The following EARS2 variants were observed in gnomAD, a reference collection of about 807,000 sequenced individuals.
EARS2 encodes the protein glutamyl-tRNA synthetase 2, mitochondrial.
A neutral mutation model predicts 54.1 loss-of-function variants in EARS2; 50 were observed. The observed-to-expected ratio is 0.92, with a 90% CI of 0.74 to 1.17. The LOEUF (loss-of-function observed/expected upper bound fraction) is 1.17, where lower values mean the gene tolerates loss of function less well. Ranked by LOEUF, EARS2 falls within the 50% of genes most tolerant of loss-of-function variation. EARS2 has a pLI of 0.00. For missense variants in EARS2, 673 were observed against 675.0 expected (o/e 1.00, Z 0.03); for synonymous variants, 298 against 281.0 (o/e 1.06, Z -0.61).
intron 1 of EARS2, among the ~76,000 whole-genome samples, chr16:23,556,365 T>G (rs1965784755): frequency 6.6e-6 from 1 of 152,168 alleles, no homozygotes; most frequent in Non-Finnish European, 1.5e-5. Context: ...CCTTCTTTTT[T>G]GTTTTTGAGA....
chr16:23,556,823 C>A (rs1965796747), intron 1 of EARS2: 1 of 474,800 alleles, frequency 2.1e-6, no homozygotes, highest in Admixed American at 2.5e-5. Context: ...TCTAAAATTA[C>A]ACTTATTTTT....
intron 1 of EARS2, among the ~76,000 whole-genome samples, chr16:23,554,869 C>A (rs1262263092): frequency 6.6e-6 from 1 of 152,166 alleles, no homozygotes; most frequent in Non-Finnish European, 1.5e-5. Flanking sequence ...AAAATAAGAA[C>A]CTTCTTTATT....
At position 23,546,220 on chromosome 16, in the gene EARS2, T is replaced by C. The variant is rs534670780; in HGVS notation, c.296-1517A>G. The stretch of plus-strand genomic sequence containing the variant: ...TCCGATTACATAGGATAAATTTCAT[T>C]ATGAATGCTTTCAGGAGAGGGCACA... On this transcript the variant is annotated intron_variant, in intron 2 of 8. Transcript: ENST00000449606. Among the ~76,000 whole-genome samples, 11 of 152,312 alleles carry C rather than the reference T, an allele frequency of 7.2e-5. No individual in the cohort carries two copies. The East Asian group carries it at 2.1e-3, about 29-fold the overall frequency.
At chr16:23,553,691 G>T (rs773193278) in intron 1 of EARS2, among the ~76,000 whole-genome samples, 1 of 151,800 alleles carries the variant, frequency 6.6e-6, no homozygotes, top group African/African-American at 2.4e-5. Flanking sequence ...GGAGTTTGAG[G>T]CCAGCCTGGC....
rs1965643405 is a variant in EARS2 at position 23,548,542 on chromosome 16, C to G, written c.295+3607G>C. 2.0e-5 allele frequency among the ~76,000 whole-genome samples: 3 copies of G among 152,128 alleles called. No homozygotes were observed. The South Asian group carries it at 6.2e-4, about 31-fold the overall frequency. On this transcript the variant is annotated intron_variant, in intron 2 of 8. Transcript: ENST00000449606. ...TAGCAGATCCTCTGTGAAACTGAAG[C>G]CTTCATCTTGGTCTGTGAGGCACCA...
intron 2 of EARS2, chr16:23,546,233 A>G: frequency 2.7e-6 from 1 of 363,722 alleles, no homozygotes; most frequent in Non-Finnish European, 5.5e-6. Flanking sequence ...GAATGCTTTC[A>G]GGAGAGGGCA....
chr16:23,547,330 G>A (rs1278729553), intron 2 of EARS2, among the ~76,000 whole-genome samples: 1 of 152,176 alleles, frequency 6.6e-6, no homozygotes, highest in Admixed American at 6.5e-5. Context: ...ATCAGTAGTT[G>A]CCAGGTGGTA....
intron 8 of EARS2, 135 bp from the exon 9 acceptor site, chr16:23,524,589 G>A (rs890213879): frequency 2.2e-5 from 15 of 689,834 alleles, no homozygotes; most frequent in Non-Finnish European, 3.5e-5. Flanking sequence ...CAGTGCTTGT[G>A]TTATTTCCCT....
chr16:23,548,432 C>G (rs1965641590), intron 2 of EARS2, among the ~76,000 whole-genome samples: 1 of 151,980 alleles, frequency 6.6e-6, no homozygotes, highest in African/African-American at 2.4e-5. Flanking sequence ...ATGATGCTGC[C>G]CCAGGAATTC....
intron 4 of EARS2, among the ~76,000 whole-genome samples, chr16:23,533,724 T>C (rs1303576119): frequency 6.6e-6 from 1 of 152,092 alleles, no homozygotes; most frequent in Non-Finnish European, 1.5e-5. Flanking sequence ...CTGAGCATAT[T>C]TTAGAAGCTT....
intron 2 of EARS2, among the ~76,000 whole-genome samples, chr16:23,548,944 G>C (rs913576856): frequency 2.6e-5 from 4 of 152,140 alleles, no homozygotes; most frequent in African/African-American, 9.7e-5. Flanking sequence ...ACCACTTTCA[G>C]GGTCCCCTCT....
rs541009530 is a variant in EARS2 at position 23,544,682 on chromosome 16, G to A, written c.317C>T (p.Pro106Leu). The A allele has an allele frequency of 2.5e-6, 4 of 1,605,688 alleles. No homozygotes were observed. The highest frequency in any genetic ancestry group is 1.3e-5 in the African/African-American group (1 of 74,940). ...GGGCCCAGCAGGACCGCCCCGGCGG[G>A]GGCTCTCATCAGGCGGGATGCCTGG... The part of the protein sequence containing the change: ...EWAGIPPDES[P>L]RRGGPAGPYQ... Residue 106 changes from proline (P) to leucine (L), a missense_variant, in exon 3 of 9, where the codon CCC becomes CTC. Pro to Leu is a moderately conservative substitution (Grantham distance 98). Transcript: ENST00000449606.
In EARS2 at chr16:23,532,232, A is replaced by G. The variant is rs376646635; in HGVS notation, c.1067+425T>C. On this transcript the variant is annotated intron_variant, in intron 5 of 8. Coordinates refer to ENST00000449606, the MANE Select transcript of EARS2 (RefSeq NM_001083614.2). ...ATACATGAAATATAAAGTAGATGCC[A>G]TGAGACAGTGCTCACTCACTGTGTT... 3.3e-5 allele frequency among the ~76,000 whole-genome samples: 5 copies of G among 152,332 alleles called. No homozygotes were observed. In the East Asian group the frequency reaches 9.6e-4, roughly 29 times the overall value.
At position 23,525,378 on chromosome 16, in the gene EARS2, G is replaced by A. The variant is rs751170357; in HGVS notation, c.1354C>T (p.Leu452Phe). The change falls in exon 8 of 9, where the codon CTT (leucine) becomes TTT (phenylalanine). Residue 452 changes from leucine to phenylalanine, a missense_variant and splice_region_variant. Leu to Phe is a conservative substitution (Grantham distance 22, BLOSUM62 0). Around this residue, in one of 3 missense-constraint regions of EARS2, gnomAD observed 338 missense variants for 361.2 expected, o/e 0.94. Transcript: ENST00000449606. ...AAGCTCATACTAGATCTTTCTAGAA[G>A]CCTAGAAGAAGAGGGCCAGTTTACA... The part of the protein sequence containing the change: ...VDVIAKRVLG[L>F]LERSSMSLTQ... 1.9e-6 allele frequency: 3 copies of A among 1,611,806 alleles called. No individual in the cohort carries two copies. The highest frequency in any genetic ancestry group is 2.5e-6 in the Non-Finnish European group (3 of 1,179,034).
At chr16:23,553,514 T>C (rs1378988509) in intron 1 of EARS2, among the ~76,000 whole-genome samples, 4 of 152,042 alleles carry the variant, frequency 2.6e-5, no homozygotes, top group Non-Finnish European at 5.9e-5. Context: ...CCCAGCACTT[T>C]TGGAGGCAGA....
chr16:23,535,401 G>C (rs753846213), intron 3 of EARS2, 41 bp from the exon 4 acceptor site: 35 of 1,562,752 alleles, frequency 2.2e-5, no homozygotes, highest in Non-Finnish European at 2.6e-5. Context: ...TTGATGGAAA[G>C]GTTGATGGAC....
In EARS2 at chr16:23,535,176, C is replaced by G. The variant is rs141129877; in HGVS notation, c.670G>C (p.Gly224Arg). The G allele has an allele frequency of 1.9e-6, 3 of 1,613,558 alleles. No individual in the cohort carries two copies. The change falls in exon 4 of 9, where the codon GGC (glycine) becomes CGC (arginine). Residue 224 changes from glycine (G) to arginine (R), a missense_variant. Around this residue, in one of 3 missense-constraint regions of EARS2, gnomAD observed 19 missense variants for 38.7 expected, o/e 0.49. Transcript: ENST00000449606. ...CAGGCCAGGTGGTATGTGGGGAAGC[C>G]GTCGCTCTTCATGATGACTGGGTCT... ...EGDPVIMKSD[G>R]FPTYHLACVV...
chr16:23,546,145 T>G (rs1205388151), intron 2 of EARS2, among the ~76,000 whole-genome samples: 1 of 152,162 alleles, frequency 6.6e-6, no homozygotes, highest in Non-Finnish European at 1.5e-5. Flanking sequence ...ATAGAATAGA[T>G]TAAATATGAT....
chr16:23,525,360 T>C lies in EARS2; in HGVS notation c.1372A>G (p.Met458Val). 1 of 1,613,642 alleles carries C rather than the reference T, an allele frequency of 6.2e-7. No individual in the cohort carries two copies. Residue 458 changes from methionine (M) to valine (V), a missense_variant, in exon 8 of 9, where the codon ATG becomes GTG. By Grantham distance (21) the Met-to-Val change is conservative. Coordinates refer to ENST00000449606, the MANE Select transcript of EARS2 (RefSeq NM_001083614.2). Reference sequence around the variant, plus strand: ...TTCAGCATATCCTGAGTTAAGCTCATACTAGATCTTTCTAGAAGCCTAGAA... The same window carrying C: ...TTCAGCATATCCTGAGTTAAGCTCACACTAGATCTTTCTAGAAGCCTAGAA... ...RVLGLLERSS[M>V]SLTQDMLNGE...
Sources: gnomAD v4.1 joint callset for allele counts (sites outside exome capture counted in the v4.1 genomes callset) on GRCh38, gnomAD v4.1.1 for gene constraint, gnomAD v4.1.1 regional missense constraint, MANE v1.5 for transcripts, NCBI Gene and HGNC (gene_info 2026-07-23, HGNC 2026-07-21) for gene names.